Variants in JADE3 observed in about 807,000 individuals in gnomAD.
JADE3 encodes protein Jade-3.
In JADE3, 2 loss-of-function variants were observed where a neutral mutation model predicts 50.1. The ratio of observed to expected loss-of-function variants is 0.04; its 90% confidence interval spans 0.02 to 0.13. The LOEUF is 0.13. JADE3 is among the 10% of genes least tolerant of loss of function. The pLI, the probability that JADE3 is intolerant of heterozygous loss-of-function variation, is 1.00. For missense variants in JADE3, 475 were observed against 634.4 expected (o/e 0.75, Z 2.70); for synonymous variants, 218 against 232.9 (o/e 0.94, Z 0.58).
chrX:47,057,484 T>C (rs1325103880), intron 10 of JADE3, among the ~76,000 whole-genome samples: 1 of 111,739 alleles, frequency 8.9e-6, no homozygotes, highest in African/African-American at 3.3e-5. Flanking sequence ...CAACCAATCC[T>C]ATAGCAGGCT....
chrX:47,040,080 C>T (rs1177840159), intron 8 of JADE3, among the ~76,000 whole-genome samples: 1 of 112,097 alleles, frequency 8.9e-6, no homozygotes, highest in Non-Finnish European at 1.9e-5. Context: ...CTTTCTCTTT[C>T]CATGTTATTT....
Position 47,001,153 on chromosome X carries a change from T to G in JADE3, c.284+2876T>G, listed in dbSNP as rs1928276770. Among the ~76,000 whole-genome samples, 3 of 111,941 alleles carry G rather than the reference T, an allele frequency of 2.7e-5. No individual in the cohort carries two copies. In the Admixed American group the frequency reaches 2.9e-4, roughly 11 times the overall value. Reference sequence around the variant, plus strand: ...TCTTGGTAGGTATATCAGTTTCTGTTTTTTAGAAAATATCAATAAGACTTG... The same window carrying G: ...TCTTGGTAGGTATATCAGTTTCTGTGTTTTAGAAAATATCAATAAGACTTG... On this transcript the variant is annotated intron_variant, in intron 4 of 10. Transcript: ENST00000614628.
At position 46,960,095 on chromosome X, in the gene JADE3, A is replaced by T. The variant is rs369841050; in HGVS notation, c.-11-24789A>T. 6.1e-3 allele frequency among the ~76,000 whole-genome samples: 671 copies of T among 110,788 alleles called. 5 individuals carry two copies. The highest frequency in any genetic ancestry group is 0.024 in the South Asian group (61 of 2,581). ...AGCAGTCCTCATTGCCCCTTCTTTCAAGCCACTGGAAAAGGATGGGTGTTC... is the reference window on the plus strand; with the variant it reads ...AGCAGTCCTCATTGCCCCTTCTTTCTAGCCACTGGAAAAGGATGGGTGTTC... On this transcript the variant is annotated intron_variant, in intron 1 of 10. Transcript: ENST00000614628.
At chrX:46,977,233 G>A (rs1317766683) in intron 1 of JADE3, among the ~76,000 whole-genome samples, 1 of 111,369 alleles carries the variant, frequency 9.0e-6, no homozygotes, top group Admixed American at 9.6e-5. Flanking sequence ...GGCAGAGCAT[G>A]CCTGTAATTC....
chrX:46,922,517 G>A (rs1926245204), intron 1 of JADE3, among the ~76,000 whole-genome samples: 1 of 109,594 alleles, frequency 9.1e-6, no homozygotes, highest in Non-Finnish European at 1.9e-5. Context: ...TTGCCCCACA[G>A]TTCTTGAGTG....
intron 4 of JADE3, among the ~76,000 whole-genome samples, chrX:47,015,720 CTTTT>C (rs1170777560): frequency 1.2e-5 from 1 of 84,075 alleles, no homozygotes. Flanking sequence ...GTCTCAGCAT[CTTTT>C]TTTTTTTTTT....
chrX:46,914,654 A>G (rs1426725526), intron 1 of JADE3, among the ~76,000 whole-genome samples: 2 of 112,176 alleles, frequency 1.8e-5, no homozygotes, highest in Non-Finnish European at 3.8e-5. Context: ...TGTTTGCTAG[A>G]GAATAGCTTT....
intron 1 of JADE3, among the ~76,000 whole-genome samples, chrX:46,975,989 A>G (rs1556351537): frequency 9.1e-6 from 1 of 109,986 alleles, no homozygotes; most frequent in Non-Finnish European, 1.9e-5. Flanking sequence ...CGACCTTCCA[A>G]AGTTCTGGGA....
At chrX:47,050,363 G>GC (rs1269630566) in intron 8 of JADE3, among the ~76,000 whole-genome samples, 3 of 111,860 alleles carry the variant, frequency 2.7e-5, no homozygotes, top group Non-Finnish European at 5.6e-5. Flanking sequence ...GTCATCTCAT[G>GC]CGTTTATCAT....
intron 1 of JADE3, among the ~76,000 whole-genome samples, chrX:46,965,899 C>T (rs1482753259): frequency 1.8e-5 from 2 of 111,938 alleles, no homozygotes; most frequent in African/African-American, 6.5e-5. Flanking sequence ...CGTGGAGGCA[C>T]ATGATCCAAT....
At chrX:46,988,822 T>C (rs1233197910) in intron 3 of JADE3, among the ~76,000 whole-genome samples, 3 of 112,640 alleles carry the variant, frequency 2.7e-5, no homozygotes, top group Non-Finnish European at 5.6e-5. Flanking sequence ...TGAAGCAATA[T>C]TGCCATTGGC....
intron 1 of JADE3, among the ~76,000 whole-genome samples, chrX:46,946,618 T>C (rs1326188169): frequency 1.8e-5 from 2 of 112,254 alleles, no homozygotes; most frequent in Non-Finnish European, 1.9e-5. Context: ...GGCAGTTTAT[T>C]GATATATAGT....
intron 5 of JADE3, among the ~76,000 whole-genome samples, chrX:47,026,549 A>G (rs186662453): frequency 2.1e-4 from 23 of 111,479 alleles, no homozygotes; most frequent in Admixed American, 1.7e-3. Flanking sequence ...AGTATACCAC[A>G]TTGCATTTAG....
intron 4 of JADE3, among the ~76,000 whole-genome samples, chrX:47,003,693 ATAAT>A (rs1453613684): frequency 1.2e-3 from 116 of 100,352 alleles, no homozygotes; most frequent in African/African-American, 4.1e-3. Flanking sequence ...TATGTTATAT[ATAAT>A]TAATGTATAT....
intron 1 of JADE3, among the ~76,000 whole-genome samples, chrX:46,946,813 C>T (rs1388199729): frequency 2.7e-5 from 3 of 111,667 alleles, no homozygotes; most frequent in Non-Finnish European, 5.6e-5. Context: ...GGCTTTTTCT[C>T]CCTCTTGAAG....
chrX:46,927,426 T>G (rs1224116001), intron 1 of JADE3, among the ~76,000 whole-genome samples: 1 of 111,816 alleles, frequency 8.9e-6, no homozygotes, highest in Non-Finnish European at 1.9e-5. Flanking sequence ...ATTTCAGAAG[T>G]CCTCAGTGGT....
intron 3 of JADE3, among the ~76,000 whole-genome samples, chrX:46,988,020 G>A (rs1556355034): frequency 1.8e-5 from 2 of 112,050 alleles, no homozygotes; most frequent in East Asian, 5.6e-4. Context: ...AGCATAACAT[G>A]GACATTATCA....
chrX:47,023,267 C>T (rs1487280501), intron 4 of JADE3, among the ~76,000 whole-genome samples: 5 of 111,538 alleles, frequency 4.5e-5, no homozygotes, highest in Non-Finnish European at 9.4e-5. Context: ...GATGCTCTCC[C>T]TCCCCTCACT....
chrX:47,032,033 G>T lies in JADE3; in HGVS notation c.688-1588G>T, dbSNP rs782668800. 7.2e-5 allele frequency among the ~76,000 whole-genome samples: 8 copies of T among 110,934 alleles called. No homozygotes were observed. In the East Asian group the frequency reaches 2.0e-3, roughly 28 times the overall value. ...CTGGAGTTTGAACCGGGTCTGGAAG[G>T]GTGAGAAAGGTCCAACTATGCAAAC... On this transcript the variant is annotated intron_variant, in intron 6 of 10. Transcript: ENST00000614628.
Sources: gnomAD v4.1 joint callset for allele counts (sites outside exome capture counted in the v4.1 genomes callset) on GRCh38, gnomAD v4.1.1 for gene constraint, MANE v1.5 for transcripts, NCBI Gene and HGNC (gene_info 2026-07-23, HGNC 2026-07-21) for gene names.